The following ADAM2 variants were observed in gnomAD, a reference collection of about 807,000 sequenced individuals.
The protein encoded by ADAM2 is ADAM metallopeptidase domain 2.
Under a neutral mutation model 99.3 loss-of-function variants are expected in ADAM2, and 101 were observed. The observed-to-expected ratio is 1.02, with a 90% CI of 0.87 to 1.20. ADAM2 has a LOEUF of 1.20. Ranked by LOEUF, ADAM2 falls within the 50% of genes most tolerant of loss-of-function variation. The probability of loss-of-function intolerance (pLI) is 0.00; values close to 1 mark genes in which losing one functional copy is unlikely to be tolerated. For synonymous variants in ADAM2, 323 were observed against 287.6 expected, an observed-to-expected ratio of 1.12 and a Z score of -1.25; for missense variants, 948 against 878.7, an observed-to-expected ratio of 1.08 and a Z score of -1.00.
At chr8:39,827,541 T>G (rs1170983953) in intron 3 of ADAM2, among the ~76,000 whole-genome samples, 1 of 152,186 alleles carries the variant, frequency 6.6e-6, no homozygotes, top group African/African-American at 2.4e-5. Context: ...AATGGAATAC[T>G]AGGCAGTCAT....
chr8:39,807,534 T>C lies in ADAM2; in HGVS notation c.570+1876A>G, dbSNP rs575760023. On this transcript the variant is annotated intron_variant, in intron 7 of 20. Coordinates refer to ENST00000265708, the MANE Select transcript of ADAM2 (RefSeq NM_001464.5). ...GCCCCATTGTAACAGTATTTGGAAATGGTATCTTTGGGATATCATAAGGTT... is the reference window on the plus strand; with the variant it reads ...GCCCCATTGTAACAGTATTTGGAAACGGTATCTTTGGGATATCATAAGGTT... 2.0e-5 allele frequency among the ~76,000 whole-genome samples: 3 copies of C among 152,230 alleles called. No homozygotes were observed. In the South Asian group the frequency reaches 6.2e-4, roughly 32 times the overall value.
chr8:39,816,202 C>T (rs1804934698), intron 6 of ADAM2, among the ~76,000 whole-genome samples: 1 of 152,102 alleles, frequency 6.6e-6, no homozygotes, highest in Non-Finnish European at 1.5e-5. Context: ...GAGGCTGAGG[C>T]AGGAGAATCA....
intron 10 of ADAM2, among the ~76,000 whole-genome samples, chr8:39,781,890 T>C (rs1260848683): frequency 6.6e-6 from 1 of 152,146 alleles, no homozygotes; most frequent in Non-Finnish European, 1.5e-5. Context: ...CCAATGGTCA[T>C]AAAAGATTCT....
intron 7 of ADAM2, among the ~76,000 whole-genome samples, chr8:39,796,355 T>C (rs967594741): frequency 1.3e-5 from 2 of 152,190 alleles, no homozygotes; most frequent in African/African-American, 4.8e-5. Context: ...TCCATGTCCC[T>C]GCAAAGGACA....
chr8:39,833,017 T>C (rs1013392008), intron 3 of ADAM2, among the ~76,000 whole-genome samples: 1 of 152,170 alleles, frequency 6.6e-6, no homozygotes, highest in Admixed American at 6.5e-5. Flanking sequence ...ATTAAACATT[T>C]ATAAATACTG....
intron 10 of ADAM2, among the ~76,000 whole-genome samples, chr8:39,781,218 G>A (rs1316536324): frequency 3.3e-5 from 5 of 152,004 alleles, no homozygotes; most frequent in Non-Finnish European, 7.4e-5. Context: ...TATAATTTAT[G>A]TATACTTATG....
intron 11 of ADAM2, among the ~76,000 whole-genome samples, chr8:39,773,884 T>C (rs58865709): frequency 1.7e-3 from 254 of 151,968 alleles, no homozygotes; most frequent in African/African-American, 5.8e-3. Context: ...GCAAGAGAAT[T>C]ACTACTAAAG....
At chr8:39,836,448 C>A (rs1284456429) in intron 2 of ADAM2, among the ~76,000 whole-genome samples, 1 of 151,556 alleles carries the variant, frequency 6.6e-6, no homozygotes, top group African/African-American at 2.4e-5. Flanking sequence ...TAAATAACAT[C>A]TTAAGCTATA....
intron 7 of ADAM2, among the ~76,000 whole-genome samples, chr8:39,803,200 T>G (rs1283000599): frequency 6.6e-6 from 1 of 152,160 alleles, no homozygotes. Context: ...TAAATTTTGA[T>G]CAAACCGCTC....
At chr8:39,789,242 A>G (rs375358470) in intron 7 of ADAM2, among the ~76,000 whole-genome samples, 4 of 151,884 alleles carry the variant, frequency 2.6e-5, no homozygotes, top group African/African-American at 9.6e-5. Context: ...AAGGCAAAAA[A>G]TAACAGAATT....
chr8:39,744,646 C>A (rs942260708), intron 20 of ADAM2, among the ~76,000 whole-genome samples, 184 bp downstream of exon 20: 14 of 151,956 alleles, frequency 9.2e-5, no homozygotes, highest in African/African-American at 3.1e-4. Flanking sequence ...GGTTGGGAGG[C>A]AAGGGGAGGA....
At chr8:39,763,686 G>A (rs1301546456) in intron 14 of ADAM2, among the ~76,000 whole-genome samples, 1 of 152,210 alleles carries the variant, frequency 6.6e-6, no homozygotes, top group Non-Finnish European at 1.5e-5. Context: ...TTCTTGTGCA[G>A]CCTGCTATCA....
intron 10 of ADAM2, among the ~76,000 whole-genome samples, chr8:39,784,123 T>C (rs1328938571): frequency 1.3e-5 from 2 of 151,810 alleles, no homozygotes; most frequent in African/African-American, 4.8e-5. Flanking sequence ...GTAGAAAGGG[T>C]GGTGGGAATT....
At chr8:39,760,338 T>C (rs1339520928) in intron 15 of ADAM2, among the ~76,000 whole-genome samples, 1 of 152,060 alleles carries the variant, frequency 6.6e-6, no homozygotes, top group Non-Finnish European at 1.5e-5. Flanking sequence ...TAAAAAAAAC[T>C]GAAATACGTG....
chr8:39,764,131 T>G (rs749408418), intron 14 of ADAM2, among the ~76,000 whole-genome samples: 1 of 152,194 alleles, frequency 6.6e-6, no homozygotes, highest in Non-Finnish European at 1.5e-5. Flanking sequence ...AAGGGTCAGA[T>G]GCAGTGGCTC....
intron 12 of ADAM2, among the ~76,000 whole-genome samples, chr8:39,769,146 A>C (rs1194533826): frequency 6.6e-6 from 1 of 152,200 alleles, no homozygotes; most frequent in Non-Finnish European, 1.5e-5. Context: ...TACCTCAAGA[A>C]AGCTAGAATA....
intron 6 of ADAM2, among the ~76,000 whole-genome samples, chr8:39,820,732 G>A (rs960266273): frequency 1.3e-5 from 2 of 152,116 alleles, no homozygotes; most frequent in African/African-American, 4.8e-5. Flanking sequence ...TATGGGGAAA[G>A]GAGTACATCT....
At chr8:39,808,037 GT>G (rs1190732580) in intron 7 of ADAM2, among the ~76,000 whole-genome samples, 1 of 152,078 alleles carries the variant, frequency 6.6e-6, no homozygotes, top group African/African-American at 2.4e-5. Context: ...TACAACACAA[GT>G]CTTCTCTCAA....
At chr8:39,826,899 A>C (rs1805429744) in intron 3 of ADAM2, among the ~76,000 whole-genome samples, 1 of 152,142 alleles carries the variant, frequency 6.6e-6, no homozygotes, top group Non-Finnish European at 1.5e-5. Flanking sequence ...AAACTAGACA[A>C]ATGGGAGTAC....
Sources: gnomAD v4.1 joint callset for allele counts (sites outside exome capture counted in the v4.1 genomes callset) on GRCh38, gnomAD v4.1.1 for gene constraint, MANE v1.5 for transcripts, NCBI Gene and HGNC (gene_info 2026-07-23, HGNC 2026-07-21) for gene names.